The following CYP3A43 variants were observed in gnomAD, a reference collection of about 807,000 sequenced individuals.
CYP3A43 encodes cytochrome P450 family 3 subfamily A member 43, also known as cytochrome P450 3A43.
CYP3A43 carries 45 observed loss-of-function variants against 58.0 expected under a neutral mutation model. The observed-to-expected ratio is 0.78, with a 90% CI of 0.61 to 0.99. The LOEUF (loss-of-function observed/expected upper bound fraction) is 0.99, where lower values mean the gene tolerates loss of function less well. Among genes scored for constraint, CYP3A43 ranks in the 50% least tolerant of loss-of-function variants. The pLI, the probability that CYP3A43 is intolerant of heterozygous loss-of-function variation, is 0.00. For synonymous variants in CYP3A43, 191 were observed against 201.4 expected (o/e 0.95, Z 0.44); for missense variants, 593 against 591.9 (o/e 1.00, Z -0.02).
chr7:99,858,384 C>T (rs909336692), intron 9 of CYP3A43, among the ~76,000 whole-genome samples: 1 of 151,916 alleles, frequency 6.6e-6, no homozygotes, highest in African/African-American at 2.4e-5. Context: ...TATTTTAGTA[C>T]CCTAGGTCTC....
chr7:99,865,846 G>GCTTCTAT lies in CYP3A43; in HGVS notation c.1417-56_1417-50dup, dbSNP rs987090185. The GCTTCTAT allele has an allele frequency of 1.8e-4, 223 of 1,219,410 alleles. 2 individuals carry two copies. Among genetic ancestry groups the GCTTCTAT allele is most frequent in the Admixed American group, 1.9e-4 (8 of 42,210 alleles). 75.5% of individuals were successfully genotyped at this position (1,219,410 alleles called of 1,614,324 possible). Reference sequence around the variant, plus strand: ...CCCTTGATGTCATCTTTTTTATTTTGCTTCTATCTTTTCTTCATTTGCTTC... The same window carrying GCTTCTAT: ...CCCTTGATGTCATCTTTTTTATTTTGCTTCTATCTTCTATCTTTTCTTCATTTGCTTC... On this transcript the variant is annotated intron_variant, in intron 12 of 12. Transcript: ENST00000354829.
chr7:99,861,767 T>G lies in CYP3A43; in HGVS notation c.1181T>G (p.Val394Gly). ...GTGTTCATTCCCAAAGGGTTAGCAG[T>G]GATGGTTCCAATCTATGCTCTTCAC... ...NGVFIPKGLA[V>G]MVPIYALHHD... The change falls in exon 11 of 13, where the codon GTG becomes GGG. Residue 394 changes from valine to glycine, a missense_variant. Coordinates refer to ENST00000354829, the MANE Select transcript of CYP3A43 (RefSeq NM_057095.3). 1.2e-6 allele frequency: 2 copies of G among 1,614,120 alleles called. No individual in the cohort carries two copies. Among genetic ancestry groups the G allele is most frequent in the South Asian group, 1.1e-5 (1 of 91,072 alleles).
chr7:99,845,026 GCCATTGCACT>G, intron 4 of CYP3A43, among the ~76,000 whole-genome samples: 1 of 148,520 alleles, frequency 6.7e-6, no homozygotes, highest in South Asian at 2.1e-4. Flanking sequence ...CCAAGATTGC[GCCATTGCACT>G]CCAGCCTGGC....
intron 7 of CYP3A43, among the ~76,000 whole-genome samples, chr7:99,851,315 T>C (rs1465350472): frequency 1.3e-5 from 2 of 152,254 alleles, no homozygotes; most frequent in African/African-American, 4.8e-5. Context: ...CTTTTAGGTA[T>C]ATATTCAGCA....
intron 9 of CYP3A43, among the ~76,000 whole-genome samples, chr7:99,857,886 G>A (rs1818048270): frequency 1.3e-5 from 2 of 151,970 alleles, no homozygotes. Context: ...ATAAAGAGCA[G>A]GAAATGTTTA....
chr7:99,854,484 C>T (rs971962349), intron 7 of CYP3A43, among the ~76,000 whole-genome samples: 2 of 152,054 alleles, frequency 1.3e-5, no homozygotes, highest in African/African-American at 2.4e-5. Flanking sequence ...GGATTACAGG[C>T]GTGAGCCACC....
chr7:99,840,754 C>T (rs2164226), intron 3 of CYP3A43, among the ~76,000 whole-genome samples: 3,294 of 152,292 alleles, frequency 0.022, 39 homozygotes, highest in Middle Eastern at 0.054. Context: ...TCCCCTCAAG[C>T]TTTGACTCAA....
At chr7:99,850,100 G>A (rs1343429387) in intron 7 of CYP3A43, 2 of 401,342 alleles carry the variant, frequency 5.0e-6, no homozygotes, top group East Asian at 7.3e-5. Flanking sequence ...GGGATTACAG[G>A]TACACACCAC....
intron 2 of CYP3A43, among the ~76,000 whole-genome samples, chr7:99,838,139 T>G (rs1434047565): frequency 6.6e-6 from 1 of 152,196 alleles, no homozygotes; most frequent in African/African-American, 2.4e-5. Flanking sequence ...GTGTCAGAAG[T>G]GAAAACTCTG....
Position 99,863,542 on chromosome 7 carries a change from G to A in CYP3A43, c.1259G>A (p.Ser420Asn), listed in dbSNP as rs780834000. Reference protein sequence around the residue: ...EPEKFCPERFSKKNKDSIDLY... With the variant: ...EPEKFCPERFNKKNKDSIDLY... ...ATGTACTACTGTGAAAGTAGGTTCA[G>A]TAAGAAGAACAAGGACAGCATAGAT... Residue 420 changes from serine (S) to asparagine (N), a missense_variant, in exon 12 of 13, where the codon AGT becomes AAT. Ser to Asn is a conservative substitution (Grantham distance 46, BLOSUM62 1). Coordinates refer to ENST00000354829, the MANE Select transcript of CYP3A43 (RefSeq NM_057095.3). 1.3e-6 allele frequency: 2 copies of A among 1,595,880 alleles called. No individual in the cohort carries two copies. The highest frequency in any genetic ancestry group is 1.7e-6 in the Non-Finnish European group (2 of 1,174,076).
chr7:99,847,122 G>A (rs897476160), intron 4 of CYP3A43, among the ~76,000 whole-genome samples: 1 of 152,122 alleles, frequency 6.6e-6, no homozygotes, highest in Non-Finnish European at 1.5e-5. Flanking sequence ...AAGGCGACCT[G>A]CCTATCTGTC....
intron 7 of CYP3A43, among the ~76,000 whole-genome samples, chr7:99,852,344 A>G (rs1817794751): frequency 6.6e-6 from 1 of 152,206 alleles, no homozygotes; most frequent in Non-Finnish European, 1.5e-5. Context: ...GAATCTAGCT[A>G]GGATTCTGAT....
chr7:99,831,445 C>G (rs1014684039), intron 1 of CYP3A43, among the ~76,000 whole-genome samples: 3 of 152,186 alleles, frequency 2.0e-5, no homozygotes, highest in Non-Finnish European at 4.4e-5. Context: ...GCATTTAAAA[C>G]TATTTATGCA....
At chr7:99,829,504 A>T (rs890662907) in intron 1 of CYP3A43, among the ~76,000 whole-genome samples, 1 of 152,246 alleles carries the variant, frequency 6.6e-6, no homozygotes, top group Non-Finnish European at 1.5e-5. Context: ...GTGATAGAGC[A>T]GACTCCAGAG....
At chr7:99,840,397 C>T (rs1326575383) in intron 3 of CYP3A43, among the ~76,000 whole-genome samples, 3 of 152,184 alleles carry the variant, frequency 2.0e-5, no homozygotes, top group Non-Finnish European at 4.4e-5. Flanking sequence ...AGAATAAGGA[C>T]AAGACCAGAA....
intron 3 of CYP3A43, among the ~76,000 whole-genome samples, chr7:99,842,597 C>G (rs564763250): frequency 6.6e-6 from 1 of 151,950 alleles, no homozygotes; most frequent in East Asian, 1.9e-4. Context: ...ATACTGTGGT[C>G]CTTTATGAAA....
chr7:99,862,111 G>A (rs1419441508), intron 11 of CYP3A43, among the ~76,000 whole-genome samples: 7 of 152,090 alleles, frequency 4.6e-5, no homozygotes, highest in Non-Finnish European at 1.0e-4. Flanking sequence ...ATTTGAGTTT[G>A]AACTGCTGCT....
chr7:99,853,952 G>T (rs1486000240), intron 7 of CYP3A43, among the ~76,000 whole-genome samples: 1 of 152,100 alleles, frequency 6.6e-6, no homozygotes, highest in Non-Finnish European at 1.5e-5. Flanking sequence ...CATGAAATGT[G>T]AAATAAGAGC....
chr7:99,858,660 G>GTATTATTATTAT (rs150747464), intron 9 of CYP3A43, among the ~76,000 whole-genome samples: 4 of 142,264 alleles, frequency 2.8e-5, no homozygotes, highest in Non-Finnish European at 6.1e-5. Context: ...TCTTCCTGCT[G>GTATTATTATTAT]TATTATTATT....
Sources: gnomAD v4.1 joint callset for allele counts (sites outside exome capture counted in the v4.1 genomes callset) on GRCh38, gnomAD v4.1.1 for gene constraint, MANE v1.5 for transcripts, NCBI Gene and HGNC (gene_info 2026-07-23, HGNC 2026-07-21) for gene names.